PALS1: variants seen among roughly 807,000 people sequenced by gnomAD.
The protein encoded by PALS1 is protein PALS1.
A neutral mutation model predicts 78.9 loss-of-function variants in PALS1; 31 were observed. That is an observed-to-expected ratio of 0.39 (90% CI 0.30 to 0.53). The LOEUF is 0.53. PALS1 is among the 20% of genes least tolerant of loss of function. The probability of loss-of-function intolerance (pLI) is 0.67; values close to 1 mark genes in which losing one functional copy is unlikely to be tolerated. For missense variants in PALS1, 704 were observed against 826.5 expected, an observed-to-expected ratio of 0.85 and a Z score of 1.82; for synonymous variants, 276 against 270.9, an observed-to-expected ratio of 1.02 and a Z score of -0.18.
At chr14:67,258,758 A>G (rs2140489979) in intron 1 of PALS1, among the ~76,000 whole-genome samples, 1 of 152,100 alleles carries the variant, frequency 6.6e-6, no homozygotes, top group East Asian at 2.0e-4. Context: ...CCTTAATAAC[A>G]AAGTAATAGT....
At position 67,301,374 on chromosome 14, in the gene PALS1, A is replaced by G. The variant is rs753647036; in HGVS notation, c.577-15A>G. 6.3e-7 allele frequency: 1 copy of G among 1,585,754 alleles called. No homozygotes were observed. The highest frequency in any genetic ancestry group is 1.1e-5 in the South Asian group (1 of 87,858). On this transcript the variant is annotated splice_polypyrimidine_tract_variant and intron_variant, in intron 4 of 14. Coordinates refer to ENST00000261681, the MANE Select transcript of PALS1 (RefSeq NM_022474.4). ...CTATAATCTAGGAAGAATAATCTTT[A>G]TTTTTGTTTCTTAGGTACAAACTGT...
chr14:67,302,222 A>C, intron 6 of PALS1, 104 bp downstream of exon 6: 1 of 1,299,352 alleles, frequency 7.7e-7, no homozygotes. Context: ...GTATTTCTGA[A>C]GCAGAAAGTG....
At chr14:67,301,170 G>A (rs769903691) in intron 4 of PALS1, among the ~76,000 whole-genome samples, 1 of 151,994 alleles carries the variant, frequency 6.6e-6, no homozygotes, top group African/African-American at 2.4e-5. Flanking sequence ...GTCTATAGGC[G>A]TAAGTACCAA....
chr14:67,245,269 C>T (rs1381026703), intron 1 of PALS1, among the ~76,000 whole-genome samples: 1 of 152,132 alleles, frequency 6.6e-6, no homozygotes, highest in Non-Finnish European at 1.5e-5. Context: ...GCATTTCCAC[C>T]AGCAATATAT....
intron 2 of PALS1, among the ~76,000 whole-genome samples, chr14:67,273,255 A>G (rs1035616904): frequency 6.6e-6 from 1 of 151,508 alleles, no homozygotes; most frequent in African/African-American, 2.4e-5. Flanking sequence ...TCCTAATGCT[A>G]TCGCTCCCCC....
rs546089239 is a variant in PALS1, at chr14:67,274,603, G to A, written c.-153-4415G>A. The stretch of plus-strand genomic sequence containing the variant: ...TGGCTTAGGGTTGTCTTGGCAATGC[G>A]GGCTCTTTTTTGGTTCCATATGAAC... On this transcript the variant is annotated intron_variant, in intron 2 of 14. Transcript: ENST00000261681. 7.7e-4 allele frequency among the ~76,000 whole-genome samples: 117 copies of A among 152,234 alleles called. No individual in the cohort carries two copies. The East Asian group carries it at 0.014, about 18-fold the overall frequency.
At chr14:67,265,957 A>T (rs569239304) in intron 1 of PALS1, among the ~76,000 whole-genome samples, 64 of 151,916 alleles carry the variant, frequency 4.2e-4, no homozygotes, top group African/African-American at 1.3e-3. Flanking sequence ...AAAAACTTTT[A>T]AAAAAAATCT....
Position 67,312,682 on chromosome 14 carries a change from TAATC to T in PALS1, c.1200_1203del (p.Gln401LeufsTer2), listed in dbSNP as rs760723698. 1.9e-6 allele frequency: 3 copies of T among 1,610,926 alleles called. No individual in the cohort carries two copies. The highest frequency in any genetic ancestry group is 1.3e-5 in the African/African-American group (1 of 74,876). ...AGGCCTACAGGGAAGGGGACGAAGATAATCAACCTCTAGCCGGGCTTGTTCCAGG... is the reference window on the plus strand; with the variant it reads ...AGGCCTACAGGGAAGGGGACGAAGATAACCTCTAGCCGGGCTTGTTCCAGG... On this transcript the variant is annotated frameshift_variant, in exon 9 of 15. Transcript: ENST00000261681. LOFTEE classifies it high-confidence loss of function.
chr14:67,324,897 ATT>A (rs1197663812), intron 14 of PALS1, among the ~76,000 whole-genome samples: 10 of 76,322 alleles, frequency 1.3e-4, no homozygotes, highest in South Asian at 4.4e-4. Context: ...CCTTCCTTTC[ATT>A]TTTTTTTTTT....
At chr14:67,241,965 C>G (rs1595553464) in intron 1 of PALS1, 1 of 152,206 alleles carries the variant, frequency 6.6e-6, no homozygotes, top group Non-Finnish European at 1.5e-5. Flanking sequence ...GTCAGCGTTC[C>G]TCTGCCTGAC....
At chr14:67,277,409 A>T (rs2084524102) in intron 2 of PALS1, among the ~76,000 whole-genome samples, 1 of 152,164 alleles carries the variant, frequency 6.6e-6, no homozygotes, top group African/African-American at 2.4e-5. Context: ...TGTATTAAGC[A>T]TTTTGTCTTC....
chr14:67,290,318 C>G (rs1449092794), intron 3 of PALS1, among the ~76,000 whole-genome samples: 1 of 152,172 alleles, frequency 6.6e-6, no homozygotes, highest in African/African-American at 2.4e-5. Flanking sequence ...TAATGCTACT[C>G]TAACAAAACA....
Position 67,279,081 on chromosome 14 carries a change from G to T in PALS1, c.-90G>T, listed in dbSNP as rs2084558739. On this transcript the variant is annotated 5_prime_UTR_variant, in exon 3 of 15. Coordinates refer to ENST00000261681, the MANE Select transcript of PALS1 (RefSeq NM_022474.4). ...GATGTGAGAAGTTTTTTTTTTTGAA[G>T]TAACATGGATTTTATACTACAGAAT... 9.2e-5 allele frequency: 103 copies of T among 1,115,160 alleles called. No homozygotes were observed. Among genetic ancestry groups the T allele is most frequent in the Middle Eastern group, 2.2e-4 (1 of 4,542 alleles). The allele number at this position is 1,115,160 out of a possible 1,614,324, so 69.1% of individuals were successfully genotyped here. A position where few individuals can be genotyped will look rare whatever the true frequency, so the allele number is the denominator to read the frequency against.
chr14:67,259,392 C>G (rs2084196793), intron 1 of PALS1, among the ~76,000 whole-genome samples: 1 of 151,954 alleles, frequency 6.6e-6, no homozygotes, highest in African/African-American at 2.4e-5. Context: ...AGGCGGATCA[C>G]TTGAGGTTAG....
At chr14:67,302,349 T>C in intron 6 of PALS1, 61 bp from the exon 7 acceptor site, 1 of 1,250,706 alleles carries the variant, frequency 8.0e-7, no homozygotes, top group Non-Finnish European at 1.0e-6. Flanking sequence ...AATTTAAAAA[T>C]AAATGCTTAA....
intron 2 of PALS1, among the ~76,000 whole-genome samples, chr14:67,273,117 CTTT>C (rs57837325): frequency 7.7e-5 from 11 of 143,084 alleles, no homozygotes; most frequent in Admixed American, 2.1e-4. Flanking sequence ...ATATTTCTTT[CTTT>C]TTTTTTTTTT....
At position 67,272,049 on chromosome 14, in the gene PALS1, G is replaced by A. The variant is rs1376300925; in HGVS notation, c.-154+2266G>A. 6 of 140,780 alleles carry A rather than the reference G, an allele frequency of 4.3e-5. No homozygotes were observed. The South Asian group carries it at 9.3e-4, about 22-fold the overall frequency. 8.7% of individuals were successfully genotyped at this position (140,780 alleles called of 1,614,324 possible). On this transcript the variant is annotated intron_variant, in intron 2 of 14. Coordinates refer to ENST00000261681, the MANE Select transcript of PALS1 (RefSeq NM_022474.4). The stretch of plus-strand genomic sequence containing the variant: ...TCGTGCCATTGCACTCAAACTGGAC[G>A]ACAGAGTCTCAAAAAAAAAAAAAAA...
At position 67,279,069 on chromosome 14, in the gene PALS1, T is replaced by C; in HGVS notation, c.-102T>C. On this transcript the variant is annotated 5_prime_UTR_variant, in exon 3 of 15. Coordinates refer to ENST00000261681, the MANE Select transcript of PALS1 (RefSeq NM_022474.4). ...GCATTATTATGTGATGTGAGAAGTT[T>C]TTTTTTTTGAAGTAACATGGATTTT... The C allele has an allele frequency of 8.3e-7, 1 of 1,210,220 alleles. No homozygotes were observed. Among genetic ancestry groups the C allele is most frequent in the South Asian group, 2.0e-5 (1 of 50,248 alleles). 75.0% of individuals were successfully genotyped at this position (1,210,220 alleles called of 1,614,324 possible). A position where few individuals can be genotyped will look rare whatever the true frequency, so the allele number is the denominator to read the frequency against.
At chr14:67,312,940 T>C (rs1303335307) in intron 9 of PALS1, among the ~76,000 whole-genome samples, 1 of 152,206 alleles carries the variant, frequency 6.6e-6, no homozygotes, top group African/African-American at 2.4e-5. Context: ...CAATCCCATA[T>C]TGTAGTACAT....
Sources: allele counts gnomAD v4.1 joint callset (sites outside exome capture counted in the v4.1 genomes callset), GRCh38; gene constraint gnomAD v4.1.1; transcripts MANE v1.5; gene names NCBI Gene and HGNC (gene_info 2026-07-23, HGNC 2026-07-21).